Variants in PARN observed in about 807,000 individuals in gnomAD.
The protein encoded by PARN is poly(A)-specific ribonuclease PARN.
Under a neutral mutation model 102.8 loss-of-function variants are expected in PARN, and 71 were observed. That is an observed-to-expected ratio of 0.69 (90% CI 0.57 to 0.84). The LOEUF (loss-of-function observed/expected upper bound fraction) is 0.84. Ranked by LOEUF, PARN falls within the 40% of genes least tolerant of loss-of-function variation. The probability of loss-of-function intolerance (pLI) is 0.00; values close to 1 mark genes in which losing one functional copy is unlikely to be tolerated. For missense variants in PARN, 782 were observed against 760.9 expected, an observed-to-expected ratio of 1.03 and a Z score of -0.33; for synonymous variants, 261 against 252.9, an observed-to-expected ratio of 1.03 and a Z score of -0.30.
At chr16:14,454,111 A>G (rs1961579368) in intron 22 of PARN, among the ~76,000 whole-genome samples, 1 of 152,172 alleles carries the variant, frequency 6.6e-6, no homozygotes. Flanking sequence ...ATTGCCGAGT[A>G]TATATTATAA....
chr16:14,582,726 C>T (rs1313388118), intron 16 of PARN, among the ~76,000 whole-genome samples: 1 of 152,042 alleles, frequency 6.6e-6, no homozygotes, highest in Admixed American at 6.6e-5. Context: ...ACACTGAGTT[C>T]GAATCTCTGC....
At chr16:14,614,776 A>T (rs1413779636) in intron 6 of PARN, among the ~76,000 whole-genome samples, 1 of 132,026 alleles carries the variant, frequency 7.6e-6, no homozygotes, top group Non-Finnish European at 1.6e-5. Context: ...TGAACCCAGG[A>T]GGCAGAGGTG....
chr16:14,603,166 C>T (rs1158556922), intron 11 of PARN, among the ~76,000 whole-genome samples: 1 of 152,006 alleles, frequency 6.6e-6, no homozygotes, highest in Non-Finnish European at 1.5e-5. Context: ...TCAAAGTGAT[C>T]CTCCCACCTC....
At chr16:14,536,402 T>C (rs1966607353) in intron 21 of PARN, among the ~76,000 whole-genome samples, 1 of 152,158 alleles carries the variant, frequency 6.6e-6, no homozygotes, top group South Asian at 2.1e-4. Context: ...ATAAGGATCC[T>C]TATATTTAGT....
At chr16:14,572,893 CTTTTTTTTT>C (rs756874245) in intron 18 of PARN, among the ~76,000 whole-genome samples, 2 of 144,956 alleles carry the variant, frequency 1.4e-5, no homozygotes, top group African/African-American at 5.0e-5. Flanking sequence ...TGTATTTTTT[CTTTTTTTTT>C]TTTTGAGACA....
chr16:14,472,481 C>T (rs1962802968), intron 22 of PARN, among the ~76,000 whole-genome samples: 1 of 152,166 alleles, frequency 6.6e-6, no homozygotes, highest in African/African-American at 2.4e-5. Context: ...TTAAAGGTCT[C>T]TACCACTTTT....
intron 18 of PARN, among the ~76,000 whole-genome samples, chr16:14,558,170 C>T (rs1275739457): frequency 2.0e-5 from 3 of 152,208 alleles, no homozygotes; most frequent in Non-Finnish European, 4.4e-5. Context: ...CACTGGCTCA[C>T]GCCTGTAATC....
At chr16:14,617,094 A>T (rs1971955503) in intron 6 of PARN, among the ~76,000 whole-genome samples, 1 of 150,548 alleles carries the variant, frequency 6.6e-6, no homozygotes, top group Non-Finnish European at 1.5e-5. Flanking sequence ...AAAAAAAAAG[A>T]TCACAGTAGG....
At chr16:14,593,770 G>A (rs1970342338) in intron 12 of PARN, among the ~76,000 whole-genome samples, 3 of 152,110 alleles carry the variant, frequency 2.0e-5, no homozygotes, top group Non-Finnish European at 4.4e-5. Context: ...GTCAAGGCGG[G>A]TGGATCACCT....
At chr16:14,473,975 G>A (rs1047164107) in intron 22 of PARN, among the ~76,000 whole-genome samples, 9 of 152,050 alleles carry the variant, frequency 5.9e-5, no homozygotes, top group African/African-American at 1.4e-4. Context: ...TTTAGAGGGC[G>A]GCCTCCACTA....
chr16:14,523,175 T>A (rs1489119175), intron 21 of PARN, among the ~76,000 whole-genome samples: 1 of 150,130 alleles, frequency 6.7e-6, no homozygotes, highest in African/African-American at 2.5e-5. Context: ...AAAACAGCAT[T>A]AAACTATGCA....
chr16:14,538,513 GC>G (rs1392680191), intron 21 of PARN, among the ~76,000 whole-genome samples: 1 of 152,048 alleles, frequency 6.6e-6, no homozygotes, highest in Non-Finnish European at 1.5e-5. Flanking sequence ...CAGCCACCAC[GC>G]CTGGCCTTTT....
chr16:14,571,729 ACACT>A (rs1968825689), intron 18 of PARN, among the ~76,000 whole-genome samples: 1 of 152,132 alleles, frequency 6.6e-6, no homozygotes, highest in South Asian at 2.1e-4. Context: ...CATTTTACAC[ACACT>A]CTCTCATTTC....
At chr16:14,462,258 G>A (rs1450279933) in intron 22 of PARN, among the ~76,000 whole-genome samples, 1 of 151,818 alleles carries the variant, frequency 6.6e-6, no homozygotes, top group Non-Finnish European at 1.5e-5. Flanking sequence ...TAAAATAGGA[G>A]TTGAAAGAAA....
intron 21 of PARN, among the ~76,000 whole-genome samples, chr16:14,519,260 C>G: frequency 7.7e-6 from 1 of 129,398 alleles, no homozygotes; most frequent in African/African-American, 2.9e-5. Flanking sequence ...AAGAGAGGGG[C>G]ATGGAGGGGA....
intron 18 of PARN, among the ~76,000 whole-genome samples, chr16:14,558,977 T>A (rs2151716157): frequency 6.6e-6 from 1 of 152,220 alleles, no homozygotes; most frequent in South Asian, 2.1e-4. Context: ...TCTGAATTAA[T>A]CTTTCGTATA....
chr16:14,486,768 A>C (rs1963723983), intron 21 of PARN, among the ~76,000 whole-genome samples: 1 of 152,206 alleles, frequency 6.6e-6, no homozygotes, highest in Non-Finnish European at 1.5e-5. Flanking sequence ...GAATCAGCAA[A>C]ATGAATTGGC....
At chr16:14,511,250 T>C (rs1333436416) in intron 21 of PARN, among the ~76,000 whole-genome samples, 1 of 152,120 alleles carries the variant, frequency 6.6e-6, no homozygotes, top group Non-Finnish European at 1.5e-5. Context: ...GAGTCCAAGG[T>C]CTCATTATCT....
chr16:14,549,973 G>C (rs1447198709), intron 21 of PARN, among the ~76,000 whole-genome samples: 1 of 152,202 alleles, frequency 6.6e-6, no homozygotes, highest in Non-Finnish European at 1.5e-5. Context: ...TAGTCCCCGT[G>C]TCAGTCTGTG....
Sources: allele counts gnomAD v4.1 joint callset (sites outside exome capture counted in the v4.1 genomes callset), GRCh38; gene constraint gnomAD v4.1.1; transcripts MANE v1.5; gene names NCBI Gene and HGNC (gene_info 2026-07-23, HGNC 2026-07-21).